Variants in OPCML observed in about 807,000 individuals in gnomAD.
The protein encoded by OPCML is opioid-binding protein/cell adhesion molecule.
A neutral mutation model predicts 37.8 loss-of-function variants in OPCML; 13 were observed. The ratio of observed to expected loss-of-function variants is 0.34; its 90% CI spans 0.22 to 0.55. The LOEUF (loss-of-function observed/expected upper bound fraction) is 0.55, where lower values mean the gene tolerates loss of function less well. OPCML is among the 20% of genes least tolerant of loss of function. The probability of loss-of-function intolerance (pLI) is 0.91; values close to 1 mark genes in which losing one functional copy is unlikely to be tolerated. For synonymous variants in OPCML, 176 were observed against 168.8 expected, an observed-to-expected ratio of 1.04 and a Z score of -0.33; for missense variants, 341 against 435.6, an observed-to-expected ratio of 0.78 and a Z score of 1.93.
chr11:132,704,635 A>G (rs762138534), intron 2 of OPCML, among the ~76,000 whole-genome samples: 4 of 152,248 alleles, frequency 2.6e-5, no homozygotes, highest in Non-Finnish European at 5.9e-5. Flanking sequence ...CTCTAAAATA[A>G]ACAAAAGTAA....
intron 2 of OPCML, among the ~76,000 whole-genome samples, chr11:132,756,178 AT>A (rs1359028015): frequency 5.9e-5 from 9 of 152,148 alleles, no homozygotes; most frequent in Non-Finnish European, 7.3e-5. Context: ...AAGAGTACTA[AT>A]TTTATGTATA....
At chr11:133,136,450 A>G (rs145126548) in intron 1 of OPCML, among the ~76,000 whole-genome samples, 2 of 152,336 alleles carry the variant, frequency 1.3e-5, no homozygotes, top group African/African-American at 2.4e-5. Context: ...TCCAGAAAGC[A>G]GCTTCCAGAT....
chr11:132,781,956 T>A (rs12577665), intron 2 of OPCML, among the ~76,000 whole-genome samples: 15,473 of 49,858 alleles, frequency 0.31, 708 homozygotes, highest in Non-Finnish European at 0.38. Flanking sequence ...ATATATATAT[T>A]TTTTTTTTTT....
chr11:133,235,668 C>T (rs908400330), intron 1 of OPCML, among the ~76,000 whole-genome samples: 1 of 152,134 alleles, frequency 6.6e-6, no homozygotes, highest in Non-Finnish European at 1.5e-5. Context: ...TCAACAGACC[C>T]CAAAAAATTA....
chr11:133,465,880 A>G (rs1946966880), intron 1 of OPCML, among the ~76,000 whole-genome samples: 1 of 152,238 alleles, frequency 6.6e-6, no homozygotes, highest in South Asian at 2.1e-4. Context: ...TTTGTCTTAC[A>G]TTTTGGTTAT....
Position 133,421,209 on chromosome 11 carries a change from G to A in OPCML, c.61+111055C>T, listed in dbSNP as rs1035785196. The stretch of plus-strand genomic sequence containing the variant: ...TCTCAGTTGCAAGGGAAAGAGCAAT[G>A]CGTTCCAAGAAGCAAGATCAAAGCC... On this transcript the variant is annotated intron_variant, in intron 1 of 7. Coordinates refer to ENST00000524381, the MANE Select transcript of OPCML (RefSeq NM_001012393.5). 16 of 985,232 alleles carry A rather than the reference G, an allele frequency of 1.6e-5. No homozygotes were observed. The African/African-American group carries it at 2.6e-4, about 16-fold the overall frequency. 61.0% of individuals were successfully genotyped at this position (985,232 alleles called of 1,614,324 possible).
At chr11:132,523,924 G>A (rs961751676) in intron 4 of OPCML, among the ~76,000 whole-genome samples, 1 of 152,214 alleles carries the variant, frequency 6.6e-6, no homozygotes, top group Non-Finnish European at 1.5e-5. Context: ...TATCTGAGTA[G>A]ACTCCATGAG....
At chr11:133,246,209 C>T (rs1433111312) in intron 1 of OPCML, among the ~76,000 whole-genome samples, 1 of 152,162 alleles carries the variant, frequency 6.6e-6, no homozygotes, top group Non-Finnish European at 1.5e-5. Flanking sequence ...AAAACTAATT[C>T]AATGCACATT....
At chr11:132,555,138 G>A (rs1012414402) in intron 3 of OPCML, among the ~76,000 whole-genome samples, 8 of 152,060 alleles carry the variant, frequency 5.3e-5, no homozygotes, top group African/African-American at 1.9e-4. Context: ...TGTCTGATAA[G>A]TCTGTTAGAT....
At chr11:133,218,644 A>G (rs1423366141) in intron 1 of OPCML, among the ~76,000 whole-genome samples, 1 of 152,186 alleles carries the variant, frequency 6.6e-6, no homozygotes, top group Non-Finnish European at 1.5e-5. Flanking sequence ...TGCAGCTGGC[A>G]TAGAGGGGAG....
intron 1 of OPCML, among the ~76,000 whole-genome samples, chr11:133,184,519 C>T (rs941863195): frequency 1.3e-5 from 2 of 152,064 alleles, no homozygotes; most frequent in Non-Finnish European, 2.9e-5. Flanking sequence ...GCTTGAGGAG[C>T]GAGGCTGGTC....
At chr11:133,432,435 G>C (rs892630603) in intron 1 of OPCML, among the ~76,000 whole-genome samples, 6 of 152,118 alleles carry the variant, frequency 3.9e-5, no homozygotes, top group Non-Finnish European at 8.8e-5. Flanking sequence ...GAGTGCAGTA[G>C]TGTGATCAAA....
At chr11:132,993,332 C>T (rs1020360765) in intron 1 of OPCML, among the ~76,000 whole-genome samples, 3 of 152,174 alleles carry the variant, frequency 2.0e-5, no homozygotes, top group Non-Finnish European at 4.4e-5. Flanking sequence ...GGCGCCCTTT[C>T]TGTCCTCGGG....
chr11:133,437,965 T>G (rs1318303300), intron 1 of OPCML, among the ~76,000 whole-genome samples: 1 of 151,576 alleles, frequency 6.6e-6, no homozygotes, highest in Non-Finnish European at 1.5e-5. Context: ...CCATAAATAC[T>G]TCAGGGAAAA....
chr11:132,831,230 A>G (rs1029887666), intron 2 of OPCML, among the ~76,000 whole-genome samples: 1 of 152,258 alleles, frequency 6.6e-6, no homozygotes, highest in African/African-American at 2.4e-5. Context: ...TAAGGTTAAT[A>G]CAACTCACTA....
chr11:133,109,857 C>T (rs185346647), intron 1 of OPCML, among the ~76,000 whole-genome samples: 3 of 152,098 alleles, frequency 2.0e-5, no homozygotes, highest in Non-Finnish European at 2.9e-5. Flanking sequence ...CTCATCCAAC[C>T]GTCTATTTTG....
chr11:133,299,794 G>A (rs535402050), intron 1 of OPCML: 3 of 152,238 alleles, frequency 2.0e-5, no homozygotes, highest in Admixed American at 1.3e-4. Context: ...CTCCATACTT[G>A]TCTGTGATGA....
chr11:132,809,373 C>T (rs1939198473), intron 2 of OPCML, among the ~76,000 whole-genome samples: 2 of 152,256 alleles, frequency 1.3e-5, no homozygotes, highest in South Asian at 4.1e-4. Flanking sequence ...CCAGGGCTGA[C>T]TTAGGAACCT....
chr11:133,204,177 A>T (rs1938933728), intron 1 of OPCML, among the ~76,000 whole-genome samples: 1 of 152,126 alleles, frequency 6.6e-6, no homozygotes, highest in East Asian at 1.9e-4. Context: ...ACATATTCTG[A>T]AAATAAAAGA....
Sources: gnomAD v4.1 joint callset for allele counts (sites outside exome capture counted in the v4.1 genomes callset) on GRCh38, gnomAD v4.1.1 for gene constraint, MANE v1.5 for transcripts, NCBI Gene and HGNC (gene_info 2026-07-23, HGNC 2026-07-21) for gene names.